The following GPC6 variants were observed in gnomAD, a reference collection of about 807,000 sequenced individuals.
GPC6 encodes the protein glypican-6.
In GPC6, 14 loss-of-function variants were observed where a neutral mutation model predicts 55.2. That is an observed-to-expected ratio of 0.25 (90% CI 0.17 to 0.40). The LOEUF (loss-of-function observed/expected upper bound fraction) is 0.40. Among genes scored for constraint, GPC6 ranks in the 10% least tolerant of loss-of-function variants. The pLI is 1.00. For synonymous variants in GPC6, 278 were observed against 259.6 expected, an observed-to-expected ratio of 1.07 and a Z score of -0.68; for missense variants, 641 against 708.5, an observed-to-expected ratio of 0.90 and a Z score of 1.08.
At chr13:94,042,429 A>T (rs951612730) in intron 4 of GPC6, among the ~76,000 whole-genome samples, 2 of 151,860 alleles carry the variant, frequency 1.3e-5, no homozygotes, top group Non-Finnish European at 2.9e-5. Flanking sequence ...TACATACCTC[A>T]TTTTAATATC....
chr13:93,720,759 C>A (rs532088410), intron 2 of GPC6, among the ~76,000 whole-genome samples: 1 of 151,774 alleles, frequency 6.6e-6, no homozygotes, highest in Non-Finnish European at 1.5e-5. Context: ...TATTCTGGTA[C>A]GTTGTGTCTT....
At chr13:94,148,731 C>A (rs973790704) in intron 4 of GPC6, among the ~76,000 whole-genome samples, 1 of 152,020 alleles carries the variant, frequency 6.6e-6, no homozygotes, top group Non-Finnish European at 1.5e-5. Context: ...AAAGCAGAAG[C>A]ACTAATGATG....
At chr13:94,025,889 C>G (rs1882877483) in intron 3 of GPC6, among the ~76,000 whole-genome samples, 2 of 151,808 alleles carry the variant, frequency 1.3e-5, no homozygotes, top group Non-Finnish European at 2.9e-5. Context: ...ATTGAATTAT[C>G]AGGAAAAGTA....
chr13:93,395,098 A>G (rs1458008398), intron 1 of GPC6: 3 of 266,730 alleles, frequency 1.1e-5, no homozygotes, highest in African/African-American at 2.3e-5. Flanking sequence ...AGATTACACA[A>G]CTTCCAAAGT....
At chr13:94,175,573 A>G (rs1888718851) in intron 4 of GPC6, among the ~76,000 whole-genome samples, 1 of 152,100 alleles carries the variant, frequency 6.6e-6, no homozygotes, top group Non-Finnish European at 1.5e-5. Flanking sequence ...TTTAATAAAT[A>G]CTGTCAAACA....
chr13:93,441,563 G>A (rs1428239507), intron 1 of GPC6, among the ~76,000 whole-genome samples: 1 of 152,108 alleles, frequency 6.6e-6, no homozygotes, highest in Non-Finnish European at 1.5e-5. Flanking sequence ...TTGTAAATTT[G>A]TTTGAGTTCT....
At chr13:93,797,977 G>A (rs1046746418) in intron 2 of GPC6, among the ~76,000 whole-genome samples, 8 of 152,180 alleles carry the variant, frequency 5.3e-5, no homozygotes, top group African/African-American at 1.9e-4. Context: ...AGGAGAGTGA[G>A]GTTCTGAGGG....
chr13:93,392,296 G>A (rs758839207), intron 1 of GPC6, among the ~76,000 whole-genome samples: 4 of 152,132 alleles, frequency 2.6e-5, no homozygotes, highest in Non-Finnish European at 5.9e-5. Context: ...TGGCAACTAC[G>A]ACCAATCATT....
chr13:93,432,288 G>T (rs1877390619), intron 1 of GPC6, among the ~76,000 whole-genome samples: 1 of 152,132 alleles, frequency 6.6e-6, no homozygotes, highest in South Asian at 2.1e-4. Context: ...ACAGATCCAT[G>T]TATGACTCTC....
At chr13:93,367,112 A>G (rs568015540) in intron 1 of GPC6, among the ~76,000 whole-genome samples, 200 of 152,218 alleles carry the variant, frequency 1.3e-3, no homozygotes, top group African/African-American at 4.6e-3. Context: ...TTCTTTGCTT[A>G]GTTGATATGG....
At chr13:93,538,370 G>C (rs1176837456) in intron 1 of GPC6, among the ~76,000 whole-genome samples, 1 of 152,138 alleles carries the variant, frequency 6.6e-6, no homozygotes, top group African/African-American at 2.4e-5. Context: ...TTCTTAAGAG[G>C]TCAGCTCATT....
At chr13:93,886,935 C>G (rs1875376970) in intron 3 of GPC6, among the ~76,000 whole-genome samples, 1 of 151,802 alleles carries the variant, frequency 6.6e-6, no homozygotes, top group South Asian at 2.1e-4. Flanking sequence ...ATACATGCGT[C>G]TAACTGGACC....
At chr13:93,220,360 G>A in the GPC6 span, among the ~76,000 whole-genome samples, 1 of 152,188 alleles carries the variant, frequency 6.6e-6, no homozygotes, top group Non-Finnish European at 1.5e-5. Flanking sequence ...TGACTGGCAA[G>A]AAGCATGGTT....
At chr13:94,335,991 T>C (rs1224482057) in intron 6 of GPC6, among the ~76,000 whole-genome samples, 2 of 151,974 alleles carry the variant, frequency 1.3e-5, no homozygotes, top group East Asian at 3.9e-4. Flanking sequence ...CAATCTTTAC[T>C]TGGACAGAAG....
chr13:93,389,343 A>C, intron 1 of GPC6, among the ~76,000 whole-genome samples: 1 of 139,652 alleles, frequency 7.2e-6, no homozygotes, highest in Admixed American at 6.9e-5. Flanking sequence ...TAAAAATACA[A>C]AAAAAAAATA....
At chr13:93,965,912 A>G (rs1275332157) in intron 3 of GPC6, among the ~76,000 whole-genome samples, 1 of 152,188 alleles carries the variant, frequency 6.6e-6, no homozygotes, top group Non-Finnish European at 1.5e-5. Flanking sequence ...AAATATTCTG[A>G]AAAAGTAGAG....
intron 1 of GPC6, chr13:93,395,370 T>C (rs563314704): frequency 2.6e-6 from 1 of 386,520 alleles, no homozygotes; most frequent in Non-Finnish European, 4.9e-6. Context: ...GGATGGTATT[T>C]CGGAATGACA....
At chr13:93,242,885 G>C (rs1250375236) in intron 1 of GPC6, among the ~76,000 whole-genome samples, 1 of 152,072 alleles carries the variant, frequency 6.6e-6, no homozygotes, top group Non-Finnish European at 1.5e-5. Context: ...CCACAATCCA[G>C]GTTGGTACTG....
At chr13:94,399,351 A>C (rs1403456239) in intron 8 of GPC6, among the ~76,000 whole-genome samples, 1 of 152,246 alleles carries the variant, frequency 6.6e-6, no homozygotes, top group East Asian at 1.9e-4. Flanking sequence ...AGCATCAAAA[A>C]TTATTTGGAA....
Sources: gnomAD v4.1 joint callset for allele counts (sites outside exome capture counted in the v4.1 genomes callset) on GRCh38, gnomAD v4.1.1 for gene constraint, MANE v1.5 for transcripts, NCBI Gene and HGNC (gene_info 2026-07-23, HGNC 2026-07-21) for gene names.